The following FAM219A variants were observed in gnomAD, a reference collection of about 807,000 sequenced individuals.
FAM219A encodes family with sequence similarity 219 member A, also known as protein FAM219A.
A neutral mutation model predicts 23.4 loss-of-function variants in FAM219A; 7 were observed. That is an observed-to-expected ratio of 0.30 (90% CI 0.17 to 0.56). FAM219A has a LOEUF of 0.56. Among genes scored for constraint, FAM219A ranks in the 20% least tolerant of loss-of-function variants. FAM219A has a pLI of 0.92. For synonymous variants in FAM219A, 93 were observed against 99.0 expected (o/e 0.94, Z 0.36); for missense variants, 166 against 246.9 (o/e 0.67, Z 2.20).
At chr9:34,441,521 G>A (rs1283986140) in intron 1 of FAM219A, among the ~76,000 whole-genome samples, 1 of 152,184 alleles carries the variant, frequency 6.6e-6, no homozygotes, top group Non-Finnish European at 1.5e-5. Context: ...GGAAGCAAAT[G>A]ATGGTACAGG....
At chr9:34,439,766 A>G (rs1046911849) in intron 1 of FAM219A, among the ~76,000 whole-genome samples, 1 of 152,160 alleles carries the variant, frequency 6.6e-6, no homozygotes, top group Non-Finnish European at 1.5e-5. Flanking sequence ...ACTGGGGGTA[A>G]TGTGATATGA....
intron 1 of FAM219A, among the ~76,000 whole-genome samples, chr9:34,433,224 T>C (rs931780657): frequency 7.9e-5 from 12 of 152,212 alleles, no homozygotes; most frequent in African/African-American, 2.9e-4. Flanking sequence ...GTTGCTCAAA[T>C]GTTTCCAGCT....
At chr9:34,426,503 C>A (rs1311034771) in intron 1 of FAM219A, among the ~76,000 whole-genome samples, 1 of 152,230 alleles carries the variant, frequency 6.6e-6, no homozygotes, top group African/African-American at 2.4e-5. Flanking sequence ...TTGTCTGGAT[C>A]GAGCTGCTTT....
At chr9:34,419,412 G>A (rs1226781828) in intron 1 of FAM219A, among the ~76,000 whole-genome samples, 1 of 152,146 alleles carries the variant, frequency 6.6e-6, no homozygotes, top group Non-Finnish European at 1.5e-5. Context: ...CAGAGGACAG[G>A]AAGATGGCAA....
At chr9:34,456,184 C>A (rs553202869) in intron 1 of FAM219A, among the ~76,000 whole-genome samples, 3 of 152,088 alleles carry the variant, frequency 2.0e-5, no homozygotes, top group African/African-American at 7.2e-5. Flanking sequence ...CAGAGAGGGA[C>A]CCTGTCTCAA....
At position 34,398,586 on chromosome 9, in the gene FAM219A, G is replaced by A. The variant is rs561299446; in HGVS notation, c.*2378C>T. Reference sequence around the variant, plus strand: ...TGCCAGGGAACTAGTATGTCCTGTGGGGGGGGAGATTTTCCCTGGTGTCTC... The same window carrying A: ...TGCCAGGGAACTAGTATGTCCTGTGAGGGGGGAGATTTTCCCTGGTGTCTC... On this transcript the variant is annotated 3_prime_UTR_variant, in exon 6 of 6. Coordinates refer to ENST00000651358, the MANE Select transcript of FAM219A (RefSeq NM_001184940.2). 2 of 578,172 alleles carry A rather than the reference G, an allele frequency of 3.5e-6. No individual in the cohort carries two copies. Among genetic ancestry groups the A allele is most frequent in the South Asian group, 2.1e-5 (1 of 46,954 alleles). The allele number at this position is 578,172 out of a possible 1,614,324, so 35.8% of individuals were successfully genotyped here.
chr9:34,412,877 G>A (rs995694245), intron 1 of FAM219A, among the ~76,000 whole-genome samples: 2 of 152,196 alleles, frequency 1.3e-5, no homozygotes, highest in Non-Finnish European at 2.9e-5. Flanking sequence ...GGATTTAGGA[G>A]AGAATAGGAG....
At chr9:34,402,216 C>T (rs1821468980) in intron 4 of FAM219A, 171 bp downstream of exon 4, 2 of 1,573,228 alleles carry the variant, frequency 1.3e-6, no homozygotes, top group Non-Finnish European at 8.6e-7. Flanking sequence ...TCTCTTCAAC[C>T]CCCAGTCCCT....
At chr9:34,425,286 C>T (rs1822416616) in intron 1 of FAM219A, among the ~76,000 whole-genome samples, 1 of 151,974 alleles carries the variant, frequency 6.6e-6, no homozygotes, top group African/African-American at 2.4e-5. Flanking sequence ...TTGAGACCAG[C>T]CTGGCCAACA....
At chr9:34,440,326 C>T (rs926508361) in intron 1 of FAM219A, among the ~76,000 whole-genome samples, 2 of 152,168 alleles carry the variant, frequency 1.3e-5, no homozygotes, top group African/African-American at 4.8e-5. Flanking sequence ...GGAACCAGAC[C>T]TAAGGGTGGG....
chr9:34,401,637 G>A (rs768620693), intron 5 of FAM219A, 29 bp downstream of exon 5: 1 of 1,600,268 alleles, frequency 6.2e-7, no homozygotes. Context: ...GCCCGGTGGT[G>A]TCTAGGGTGA....
intron 1 of FAM219A, among the ~76,000 whole-genome samples, chr9:34,434,879 G>A (rs1304665700): frequency 1.3e-5 from 2 of 152,156 alleles, no homozygotes; most frequent in African/African-American, 4.8e-5. Context: ...GAGTGCAGTG[G>A]TGGGATCTCA....
intron 1 of FAM219A, among the ~76,000 whole-genome samples, chr9:34,410,497 A>ACT (rs1280570988): frequency 6.6e-6 from 1 of 152,096 alleles, no homozygotes; most frequent in African/African-American, 2.4e-5. Context: ...CTCTGGTAGG[A>ACT]CTCTAGGTGG....
At chr9:34,406,091 C>A in intron 1 of FAM219A, 127 bp from the exon 2 acceptor site, 1 of 996,570 alleles carries the variant, frequency 1.0e-6, no homozygotes. Flanking sequence ...TCAGAGCAGG[C>A]AGGGCATTCA....
chr9:34,439,774 T>C (rs919039902), intron 1 of FAM219A, among the ~76,000 whole-genome samples: 2 of 152,018 alleles, frequency 1.3e-5, no homozygotes, highest in Admixed American at 6.6e-5. Context: ...TAATGTGATA[T>C]GAGATAAGCT....
chr9:34,437,947 GGGCTGCGCGTGGC>G lies in FAM219A; in HGVS notation c.60+20244_60+20256del, dbSNP rs548270648. 1.5e-3 allele frequency among the ~76,000 whole-genome samples: 232 copies of G among 152,350 alleles called. 1 individual carries two copies. The highest frequency in any genetic ancestry group is 5.4e-3 in the African/African-American group (223 of 41,592). On this transcript the variant is annotated intron_variant, in intron 1 of 5. Transcript: ENST00000651358. ...GAGGGAGAGGCGCGAGCGGGAACCC[GGGCTGCGCGTGGC>G]GCTTGCGGGCCACCTGGAGTTCCGA...
In FAM219A at chr9:34,458,074, A is replaced by C; in HGVS notation, c.60+130T>G. On this transcript the variant is annotated intron_variant, in intron 1 of 5. Coordinates refer to ENST00000651358, the MANE Select transcript of FAM219A (RefSeq NM_001184940.2). The surrounding 1 kb of genome is among the most constrained non-coding windows in gnomAD (Gnocchi z 6.6). ...TCCTGCAAGTCCCCGTCCCCCGGCA[A>C]TACGTTTTCAGGGATCTCTTTGCCC... is the stretch of plus-strand genomic sequence containing the variant. 8.8e-6 allele frequency: 7 copies of C among 798,512 alleles called. No individual in the cohort carries two copies. The highest frequency in any genetic ancestry group is 7.4e-5 in the East Asian group (2 of 27,108). The allele number at this position is 798,512 out of a possible 1,614,324, so 49.5% of individuals were successfully genotyped here.
chr9:34,405,151 G>A (rs1821588361), intron 2 of FAM219A, among the ~76,000 whole-genome samples: 2 of 152,182 alleles, frequency 1.3e-5, no homozygotes, highest in South Asian at 4.1e-4. Flanking sequence ...TCATAAAAGT[G>A]TGTTATATAC....
chr9:34,418,530 T>C (rs1822122418), intron 1 of FAM219A, among the ~76,000 whole-genome samples: 1 of 152,222 alleles, frequency 6.6e-6, no homozygotes, highest in South Asian at 2.1e-4. Flanking sequence ...GCTTACTTCC[T>C]TCTGGGAGGA....
Sources: allele counts gnomAD v4.1 joint callset (sites outside exome capture counted in the v4.1 genomes callset), GRCh38; gene constraint gnomAD v4.1.1; non-coding constraint Gnocchi (gnomAD v3.1); transcripts MANE v1.5; gene names NCBI Gene and HGNC (gene_info 2026-07-23, HGNC 2026-07-21).